Variants in CYP46A1 observed in about 807,000 individuals in gnomAD.
CYP46A1 encodes cytochrome P450 family 46 subfamily A member 1, also known as cholesterol 24-hydroxylase.
Under a neutral mutation model 63.3 loss-of-function variants are expected in CYP46A1, and 20 were observed. That is an observed-to-expected ratio of 0.32 (90% CI 0.22 to 0.46). The LOEUF is 0.46. CYP46A1 is among the 20% of genes least tolerant of loss of function. CYP46A1 has a pLI of 1.00. For missense variants in CYP46A1, 445 were observed against 670.8 expected, an observed-to-expected ratio of 0.66 and a Z score of 3.72; for synonymous variants, 268 against 273.6, an observed-to-expected ratio of 0.98 and a Z score of 0.20.
intron 5 of CYP46A1, among the ~76,000 whole-genome samples, chr14:99,704,844 T>C (rs948981674): frequency 1.3e-5 from 2 of 152,104 alleles, no homozygotes; most frequent in African/African-American, 4.8e-5. Context: ...TGAGTGTCCA[T>C]CTGGAGAAGG....
At chr14:99,684,652 G>T (rs2056474297) in intron 1 of CYP46A1, 116 bp downstream of exon 1, 19 of 838,578 alleles carry the variant, frequency 2.3e-5, no homozygotes, top group Middle Eastern at 3.1e-4. Context: ...CGCGGCCGCT[G>T]GGAGTCGGCG....
Position 99,726,717 on chromosome 14 carries a change from C to G in CYP46A1, c.1493C>G (p.Pro498Arg), listed in dbSNP as rs753616111. The G allele has an allele frequency of 1.2e-5, 18 of 1,530,166 alleles. No individual in the cohort carries two copies. The South Asian group carries it at 1.2e-4, about 10-fold the overall frequency. 94.8% of individuals were successfully genotyped at this position (1,530,166 alleles called of 1,614,324 possible). ...GGCTGGCAGCCCGCACCCCCACCAC[C>G]CCCCTGCTGAGGGGGCCTCCAGGCA... ...PRGWQPAPPPPPC is the reference protein window; with the variant it reads ...PRGWQPAPPPRPC The change falls in exon 15 of 15, where the codon CCC becomes CGC. Residue 498 changes from proline (P) to arginine (R), a missense_variant. Pro to Arg is a moderately radical substitution (Grantham distance 103). Around this residue, in one of 4 missense-constraint regions of CYP46A1, gnomAD observed 85 missense variants for 80.1 expected, o/e 1.06. Transcript: ENST00000261835.
Position 99,725,291 on chromosome 14 carries a change from C to T in CYP46A1, c.1177-100C>T, listed in dbSNP as rs1205857660. ...AGACATGGGGGGAGGAGAGTGGGAC[C>T]CACTCTGCTCTGAGTAGCCCTGTTG... On this transcript the variant is annotated intron_variant, in intron 12 of 14. Transcript: ENST00000261835. The surrounding 1 kb of genome is among the most constrained non-coding windows in gnomAD (Gnocchi z 4.2). 3 of 857,000 alleles carry T rather than the reference C, an allele frequency of 3.5e-6. No homozygotes were observed. Among genetic ancestry groups the T allele is most frequent in the African/African-American group, 3.3e-5 (2 of 60,266 alleles). 53.1% of individuals were successfully genotyped at this position (857,000 alleles called of 1,614,324 possible).
At chr14:99,719,855 G>T (rs533497178) in intron 10 of CYP46A1, among the ~76,000 whole-genome samples, 1 of 150,396 alleles carries the variant, frequency 6.6e-6, no homozygotes, top group Non-Finnish European at 1.5e-5. Context: ...TCCACCTCCC[G>T]GGTTCACGCC....
intron 14 of CYP46A1, 30 bp downstream of exon 14, chr14:99,726,286 A>G (rs2056896280): frequency 6.2e-7 from 1 of 1,607,250 alleles, no homozygotes; most frequent in Non-Finnish European, 8.5e-7. Context: ...GGTTCTGCCC[A>G]GGAGTAGCTG....
Position 99,721,201 on chromosome 14 carries a change from C to T in CYP46A1, c.981-38C>T, listed in dbSNP as rs1334270916. ...AAGCTAAGTAAGTCGGGGACAGGCT[C>T]CCTTTGGAGACGAACTTGTCTTTGT... On this transcript the variant is annotated intron_variant, in intron 10 of 14. Coordinates refer to ENST00000261835, the MANE Select transcript of CYP46A1 (RefSeq NM_006668.2). 5.3e-6 allele frequency: 8 copies of T among 1,520,264 alleles called. No homozygotes were observed. In the South Asian group the frequency reaches 7.9e-5, roughly 15 times the overall value. The allele number at this position is 1,520,264 out of a possible 1,614,324, so 94.2% of individuals were successfully genotyped here.
intron 3 of CYP46A1, chr14:99,695,615 T>TA (rs1159632799): frequency 1.3e-5 from 2 of 149,096 alleles, no homozygotes; most frequent in East Asian, 3.8e-4. Flanking sequence ...TTATTATTAT[T>TA]ATTATTATTA....
rs187836713 is a variant in CYP46A1 at position 99,726,817 on chromosome 14, C to T, written c.*90C>T. The T allele has an allele frequency of 3.4e-4, 383 of 1,143,040 alleles. 6 individuals carry two copies. In the Admixed American group the frequency reaches 0.011, roughly 32 times the overall value. 70.8% of individuals were successfully genotyped at this position (1,143,040 alleles called of 1,614,324 possible). On this transcript the variant is annotated 3_prime_UTR_variant, in exon 15 of 15. Coordinates refer to ENST00000261835, the MANE Select transcript of CYP46A1 (RefSeq NM_006668.2). ...CGGCCACCCACCCTTCTCCCCTGCC[C>T]CGTCCCCTGGGCCACCCTTCACGCT...
At position 99,725,486 on chromosome 14, in the gene CYP46A1, C is replaced by T; in HGVS notation, c.1265+7C>T. On this transcript the variant is annotated splice_region_variant and intron_variant, in intron 13 of 14. Transcript: ENST00000261835. The surrounding 1 kb of genome is among the most constrained non-coding windows in gnomAD (Gnocchi z 4.2). ...TCGGCCCTGGAGCACCCAAGTAAGTCCCTCCTGGAGCTGCCCATGAGTGGG... is the reference window on the plus strand; with the variant it reads ...TCGGCCCTGGAGCACCCAAGTAAGTTCCTCCTGGAGCTGCCCATGAGTGGG... The T allele has an allele frequency of 6.2e-7, 1 of 1,610,408 alleles. No homozygotes were observed. The highest frequency in any genetic ancestry group is 8.5e-7 in the Non-Finnish European group (1 of 1,176,602).
rs1161916034 is a variant in CYP46A1 at position 99,727,176 on chromosome 14, A to C, written c.*449A>C. ...TGTATCGTGAGTGTCCGTTGACGTGACCAATTGCCCTGCCAGGCTGTCAGC... is the reference window on the plus strand; with the variant it reads ...TGTATCGTGAGTGTCCGTTGACGTGCCCAATTGCCCTGCCAGGCTGTCAGC... On this transcript the variant is annotated 3_prime_UTR_variant, in exon 15 of 15. Coordinates refer to ENST00000261835, the MANE Select transcript of CYP46A1 (RefSeq NM_006668.2). The C allele has an allele frequency of 6.1e-6, 1 of 164,630 alleles. No homozygotes were observed. Among genetic ancestry groups the C allele is most frequent in the Admixed American group, 6.4e-5 (1 of 15,608 alleles). 10.2% of individuals were successfully genotyped at this position (164,630 alleles called of 1,614,324 possible).
chr14:99,697,007 C>T (rs538258894), intron 3 of CYP46A1, among the ~76,000 whole-genome samples: 27 of 152,278 alleles, frequency 1.8e-4, no homozygotes, highest in South Asian at 4.1e-4. Flanking sequence ...GGGGCCTCTG[C>T]GGAAGGTCTT....
chr14:99,685,381 C>T (rs978710298), intron 1 of CYP46A1, among the ~76,000 whole-genome samples: 4 of 134,568 alleles, frequency 3.0e-5, no homozygotes, highest in Non-Finnish European at 6.2e-5. Flanking sequence ...GGGCTTCTTC[C>T]TCTGCTTGTC....
Position 99,707,663 on chromosome 14 carries a change from C to T in CYP46A1, c.678C>T (p.Arg226=). The T allele has an allele frequency of 6.2e-7, 1 of 1,614,048 alleles. No homozygotes were observed. The highest frequency in any genetic ancestry group is 8.5e-7 in the Non-Finnish European group (1 of 1,179,978). ...TGTTGGAGGGAATCACTGCGTCCCG[C>T]AACACTCTGGCAAAGGTACTGCCTC... is the stretch of plus-strand genomic sequence containing the variant. The part of the protein sequence containing the change: ...KLMLEGITAS[R]NTLAKFLPGK... The change falls in exon 7 of 15, where the codon CGC becomes CGT. Residue 226 remains arginine, a synonymous_variant. Coordinates refer to ENST00000261835, the MANE Select transcript of CYP46A1 (RefSeq NM_006668.2).
At chr14:99,707,874 A>G (rs949634236) in intron 7 of CYP46A1, 196 bp downstream of exon 7, 2 of 573,218 alleles carry the variant, frequency 3.5e-6, no homozygotes, top group Admixed American at 3.1e-5. Flanking sequence ...CTTAAAGTAA[A>G]TTAGGAGTTA....
rs981688573 is a variant in CYP46A1 at position 99,684,365 on chromosome 14, G to C, written c.-53G>C. 8.6e-7 allele frequency: 1 copy of C among 1,158,960 alleles called. No homozygotes were observed. Among genetic ancestry groups the C allele is most frequent in the Non-Finnish European group, 1.1e-6 (1 of 917,690 alleles). 71.8% of individuals were successfully genotyped at this position (1,158,960 alleles called of 1,614,324 possible). On this transcript the variant is annotated 5_prime_UTR_variant, in exon 1 of 15. Coordinates refer to ENST00000261835, the MANE Select transcript of CYP46A1 (RefSeq NM_006668.2). ...CAGCTGAGTCGGCTCGCGGCCTCCC[G>C]GCCCCCTCGGCGCCCGGCCCGACCC...
intron 3 of CYP46A1, among the ~76,000 whole-genome samples, chr14:99,692,410 G>C (rs2140114271): frequency 6.6e-6 from 1 of 152,248 alleles, no homozygotes; most frequent in African/African-American, 2.4e-5. Flanking sequence ...ATGGTGGCAG[G>C]CACCTGTAAT....
intron 10 of CYP46A1, among the ~76,000 whole-genome samples, chr14:99,719,755 T>C (rs1033389554): frequency 7.8e-6 from 1 of 129,018 alleles, no homozygotes; most frequent in African/African-American, 2.6e-5. Context: ...TCCTTTTTTT[T>C]CTTTTCTTTT....
chr14:99,686,728 G>A, intron 1 of CYP46A1, among the ~76,000 whole-genome samples: 1 of 152,180 alleles, frequency 6.6e-6, no homozygotes, highest in Non-Finnish European at 1.5e-5. Flanking sequence ...ATACCACAGA[G>A]TCTACATGTG....
chr14:99,727,175 G>A lies in CYP46A1; in HGVS notation c.*448G>A, dbSNP rs1245024254. 1 of 165,388 alleles carries A rather than the reference G, an allele frequency of 6.0e-6. No individual in the cohort carries two copies. Among genetic ancestry groups the A allele is most frequent in the East Asian group, 1.7e-4 (1 of 5,866 alleles). The allele number at this position is 165,388 out of a possible 1,614,324, so 10.2% of individuals were successfully genotyped here. A position where few individuals can be genotyped will look rare whatever the true frequency, so the allele number is the denominator to read the frequency against. ...CTGTATCGTGAGTGTCCGTTGACGT[G>A]ACCAATTGCCCTGCCAGGCTGTCAG... On this transcript the variant is annotated 3_prime_UTR_variant, in exon 15 of 15. Transcript: ENST00000261835.
Sources: gnomAD v4.1 joint callset for allele counts (sites outside exome capture counted in the v4.1 genomes callset) on GRCh38, gnomAD v4.1.1 for gene constraint, gnomAD v4.1.1 regional missense constraint, Gnocchi (gnomAD v3.1) non-coding constraint, MANE v1.5 for transcripts, NCBI Gene and HGNC (gene_info 2026-07-23, HGNC 2026-07-21) for gene names.